RAB27A: variants seen among roughly 807,000 people sequenced by gnomAD.
RAB27A encodes the protein ras-related protein Rab-27A.
In RAB27A, 17 loss-of-function variants were observed where a neutral mutation model predicts 20.8. The ratio of observed to expected loss-of-function variants is 0.82; its 90% confidence interval spans 0.56 to 1.23. The LOEUF (loss-of-function observed/expected upper bound fraction) is 1.23. RAB27A is among the 50% of genes most tolerant of loss of function. The pLI, the probability that RAB27A is intolerant of heterozygous loss-of-function variation, is 0.00. For missense variants in RAB27A, 277 were observed against 266.7 expected (o/e 1.04, Z -0.27); for synonymous variants, 85 against 92.8 (o/e 0.92, Z 0.48).
chr15:55,286,856 A>G (rs1406840982), intron 1 of RAB27A, among the ~76,000 whole-genome samples: 1 of 150,914 alleles, frequency 6.6e-6, no homozygotes, highest in Non-Finnish European at 1.5e-5. Flanking sequence ...CAGAGATGAT[A>G]GAACTTGGTG....
At chr15:55,214,067 T>C (rs568496118) in intron 6 of RAB27A, among the ~76,000 whole-genome samples, 5 of 152,236 alleles carry the variant, frequency 3.3e-5, no homozygotes, top group Admixed American at 6.5e-5. Context: ...TGTCTTATTA[T>C]TTGATAACTT....
chr15:55,265,796 G>A (rs1478689352), intron 2 of RAB27A, among the ~76,000 whole-genome samples: 1 of 152,176 alleles, frequency 6.6e-6, no homozygotes, highest in Non-Finnish European at 1.5e-5. Context: ...GGATGTGGCT[G>A]AAGGGATGCA....
intron 2 of RAB27A, among the ~76,000 whole-genome samples, chr15:55,246,869 G>T (rs1157445683): frequency 6.6e-6 from 1 of 151,918 alleles, no homozygotes; most frequent in Non-Finnish European, 1.5e-5. Flanking sequence ...CCACTGAGTG[G>T]TTGCTTTTTG....
At chr15:55,209,767 T>C (rs1217029605) in intron 6 of RAB27A, among the ~76,000 whole-genome samples, 2 of 115,404 alleles carry the variant, frequency 1.7e-5, no homozygotes, top group Non-Finnish European at 3.4e-5. Flanking sequence ...TGTGTGTACA[T>C]ATACATATAT....
chr15:55,319,001 C>A lies in RAB27A; in HGVS notation c.-304G>T. 6.4e-6 allele frequency: 3 copies of A among 468,368 alleles called. No individual in the cohort carries two copies. The South Asian group carries it at 9.2e-5, about 14-fold the overall frequency. 29.0% of individuals were successfully genotyped at this position (468,368 alleles called of 1,614,324 possible). A position where few individuals can be genotyped will look rare whatever the true frequency, so the allele number is the denominator to read the frequency against. On this transcript the variant is annotated 5_prime_UTR_variant, in exon 1 of 6. Coordinates refer to the RAB27A transcript ENST00000563262. ...CCTGCTCCCCTCCAGAGACCGGGGG[C>A]CTTCCAGCAGTTTTCGGACCCCCGA...
At chr15:55,299,535 G>A (rs1212798605) in intron 2 of RAB27A, among the ~76,000 whole-genome samples, 1 of 150,256 alleles carries the variant, frequency 6.7e-6, no homozygotes, top group Non-Finnish European at 1.5e-5. Context: ...CTGAGTTGCA[G>A]TGAGCCAAGA....
chr15:55,226,441 G>T (rs939604630), intron 5 of RAB27A, among the ~76,000 whole-genome samples: 1 of 152,022 alleles, frequency 6.6e-6, no homozygotes, highest in African/African-American at 2.4e-5. Flanking sequence ...GGCCAATCAG[G>T]GCCCACGAGT....
upstream of RAB27A, among the ~76,000 whole-genome samples, chr15:55,293,907 C>T (rs1391551026): frequency 2.0e-5 from 3 of 151,638 alleles, no homozygotes; most frequent in African/African-American, 7.3e-5. Flanking sequence ...ATGAGTGAAA[C>T]TTCTCAGATA....
At chr15:55,247,393 A>T (rs1319564761) in intron 2 of RAB27A, among the ~76,000 whole-genome samples, 2 of 152,170 alleles carry the variant, frequency 1.3e-5, no homozygotes, top group Non-Finnish European at 2.9e-5. Context: ...AAAAAAAAAA[A>T]ATCAGATAGC....
rs182374087 is a variant in RAB27A, at chr15:55,223,365, C to T, written c.467+524G>A. Among the ~76,000 whole-genome samples, 343 of 151,840 alleles carry T rather than the reference C, an allele frequency of 2.3e-3. 2 individuals carry two copies. The highest frequency in any genetic ancestry group is 3.6e-3 in the Non-Finnish European group (245 of 67,954). Reference sequence around the variant, plus strand: ...CTCTACTAAAAATACAAAAATTAGCCGGGCATGATGGTGGACTCCTGTAGT... The same window carrying T: ...CTCTACTAAAAATACAAAAATTAGCTGGGCATGATGGTGGACTCCTGTAGT... On this transcript the variant is annotated intron_variant, in intron 6 of 6. Coordinates refer to ENST00000336787, the MANE Select transcript of RAB27A (RefSeq NM_183235.3).
chr15:55,219,707 T>C (rs1895475090), intron 6 of RAB27A, among the ~76,000 whole-genome samples: 1 of 152,238 alleles, frequency 6.6e-6, no homozygotes, highest in African/African-American at 2.4e-5. Context: ...CTTTTTAAAG[T>C]GTTTCAGTAA....
chr15:55,235,085 G>C, intron 2 of RAB27A, 129 bp from the exon 3 acceptor site: 1 of 746,606 alleles, frequency 1.3e-6, no homozygotes. Context: ...TGTATGAAAA[G>C]AGAGTTACAT....
Position 55,205,060 on chromosome 15 carries a change from G to T in RAB27A, c.*447C>A. On this transcript the variant is annotated 3_prime_UTR_variant, in exon 7 of 7. Coordinates refer to ENST00000336787, the MANE Select transcript of RAB27A (RefSeq NM_183235.3). ...TTTAAGTGGCTTTAATGGTATTTTA[G>T]AATGTCACCTATGGCATGAGTCTTC... is the stretch of plus-strand genomic sequence containing the variant. 4.9e-6 allele frequency: 1 copy of T among 204,134 alleles called. No homozygotes were observed. 12.6% of individuals were successfully genotyped at this position (204,134 alleles called of 1,614,324 possible).
chr15:55,211,088 C>G (rs1895005211), intron 6 of RAB27A, among the ~76,000 whole-genome samples: 1 of 152,058 alleles, frequency 6.6e-6, no homozygotes, highest in Non-Finnish European at 1.5e-5. Context: ...GGATTTATAT[C>G]TGGGTTCTCT....
At chr15:55,231,979 C>A (rs1228154906) in intron 3 of RAB27A, among the ~76,000 whole-genome samples, 1 of 152,026 alleles carries the variant, frequency 6.6e-6, no homozygotes, top group African/African-American at 2.4e-5. Flanking sequence ...TTCCTTGGAA[C>A]CTAAAAGGCC....
chr15:55,223,876 C>A lies in RAB27A; in HGVS notation c.467+13G>T. On this transcript the variant is annotated intron_variant, in intron 6 of 6. Coordinates refer to ENST00000336787, the MANE Select transcript of RAB27A (RefSeq NM_183235.3). ...AAAATGTTTTCTCTAGACTTCTCCA[C>A]AAAAATACTCACCCATATTTCTCTG... 6.2e-7 allele frequency: 1 copy of A among 1,612,974 alleles called. No individual in the cohort carries two copies. The highest frequency in any genetic ancestry group is 1.1e-5 in the South Asian group (1 of 91,072).
At position 55,230,346 on chromosome 15, in the gene RAB27A, T is replaced by G. The variant is rs1008380313; in HGVS notation, c.239+55A>C. 4.0e-6 allele frequency: 6 copies of G among 1,489,000 alleles called. No individual in the cohort carries two copies. The African/African-American group carries it at 6.9e-5, about 17-fold the overall frequency. The allele number at this position is 1,489,000 out of a possible 1,614,324, so 92.2% of individuals were successfully genotyped here. A position where few individuals can be genotyped will look rare whatever the true frequency, so the allele number is the denominator to read the frequency against. ...CCTGCTCAGGTCACTGTTTGAAGAA[T>G]GTAACTATTTTTCCCTTTCCTTCAG... is the stretch of plus-strand genomic sequence containing the variant. On this transcript the variant is annotated intron_variant, in intron 4 of 6. Coordinates refer to ENST00000336787, the MANE Select transcript of RAB27A (RefSeq NM_183235.3).
chr15:55,314,605 G>C (rs2055035440), intron 1 of RAB27A, among the ~76,000 whole-genome samples: 1 of 152,188 alleles, frequency 6.6e-6, no homozygotes, highest in African/African-American at 2.4e-5. Flanking sequence ...AAAATCACAA[G>C]CGTTCCTATA....
At chr15:55,228,872 G>T (rs1184571757) in intron 4 of RAB27A, among the ~76,000 whole-genome samples, 160 bp from the exon 5 acceptor site, 1 of 152,204 alleles carries the variant, frequency 6.6e-6, no homozygotes, top group Admixed American at 6.5e-5. Flanking sequence ...ACTTATATCA[G>T]TTTAAGTGTT....
Sources: allele counts gnomAD v4.1 joint callset (sites outside exome capture counted in the v4.1 genomes callset), GRCh38; gene constraint gnomAD v4.1.1; transcripts MANE v1.5; gene names NCBI Gene and HGNC (gene_info 2026-07-23, HGNC 2026-07-21).